ST8SIA6: variants seen among roughly 807,000 people sequenced by gnomAD.
ST8SIA6 encodes ST8 alpha-N-acetyl-neuraminide alpha-2,8-sialyltransferase 6.
Under a neutral mutation model 33.6 loss-of-function variants are expected in ST8SIA6, and 39 were observed. The ratio of observed to expected loss-of-function variants is 1.16; its 90% confidence interval spans 0.90 to 1.52. ST8SIA6 has a LOEUF of 1.52. ST8SIA6 is among the 40% of genes most tolerant of loss of function. The probability of loss-of-function intolerance (pLI) is 0.00; values close to 1 mark genes in which losing one functional copy is unlikely to be tolerated. For missense variants in ST8SIA6, 441 were observed against 443.8 expected, an observed-to-expected ratio of 0.99 and a Z score of 0.06; for synonymous variants, 172 against 167.2, an observed-to-expected ratio of 1.03 and a Z score of -0.22.
chr10:17,404,064 CAAAAAAAAAA>C lies in ST8SIA6; in HGVS notation c.201-13454_201-13445del, dbSNP rs964237726. Among the ~76,000 whole-genome samples, 474 of 56,624 alleles carry C rather than the reference CAAAAAAAAAA, an allele frequency of 8.4e-3. 2 individuals carry two copies. The highest frequency in any genetic ancestry group is 0.026 in the African/African-American group (420 of 16,042). The allele number at this position is 56,624 out of a possible 152,430, so 37.1% of individuals were successfully genotyped here. On this transcript the variant is annotated intron_variant, in intron 2 of 7. Transcript: ENST00000377602. ...TGGGTGACAGAGGAAGACACTGTCT[CAAAAAAAAAA>C]AAAAAAAAAAAAGAATGGAGGCCAT...
rs1827955693 is a variant in ST8SIA6 at position 17,422,197 on chromosome 10, A to T, written c.200+31362T>A. Among the ~76,000 whole-genome samples the T allele has an allele frequency of 2.0e-5, 3 of 152,368 alleles. No individual in the cohort carries two copies. In the South Asian group the frequency reaches 6.2e-4, roughly 32 times the overall value. On this transcript the variant is annotated intron_variant, in intron 2 of 7. Coordinates refer to ENST00000377602, the MANE Select transcript of ST8SIA6 (RefSeq NM_001004470.3). The stretch of plus-strand genomic sequence containing the variant: ...AAGAGAAAAAAACTGAATATTGAAG[A>T]GCAAAATAAATTTAAAAATCTTTAG...
chr10:17,441,375 C>T (rs1052034881), intron 2 of ST8SIA6, among the ~76,000 whole-genome samples: 5 of 151,822 alleles, frequency 3.3e-5, no homozygotes, highest in African/African-American at 7.3e-5. Context: ...TGCAATGGCG[C>T]GAGCTCAGCT....
intron 6 of ST8SIA6, among the ~76,000 whole-genome samples, chr10:17,325,471 T>C (rs1220842595): frequency 6.7e-6 from 1 of 149,938 alleles, no homozygotes; most frequent in East Asian, 1.9e-4. Flanking sequence ...CTGTAATATA[T>C]ATGTGATTAT....
chr10:17,448,963 A>T, intron 2 of ST8SIA6, among the ~76,000 whole-genome samples: 1 of 151,246 alleles, frequency 6.6e-6, no homozygotes, highest in East Asian at 1.9e-4. Context: ...AATGAAATTA[A>T]TATTATTTAA....
In ST8SIA6 at chr10:17,349,943, C is replaced by G. The variant is rs1001736083; in HGVS notation, c.377+9571G>C. Among the ~76,000 whole-genome samples the G allele has an allele frequency of 3.5e-3, 525 of 152,136 alleles. 4 individuals carry two copies. Among genetic ancestry groups the G allele is most frequent in the African/African-American group, 0.012 (501 of 41,506 alleles). ...GGTCTGTAAATTAAATAAACACACA[C>G]ACACACACACATACACACACAAATG... On this transcript the variant is annotated intron_variant, in intron 4 of 7. Transcript: ENST00000377602.
chr10:17,427,046 A>G (rs1311262896), intron 2 of ST8SIA6, among the ~76,000 whole-genome samples: 4 of 151,082 alleles, frequency 2.6e-5, no homozygotes, highest in African/African-American at 7.3e-5. Flanking sequence ...GGAGGTTGCA[A>G]TGAGCTGAGA....
chr10:17,335,622 A>T (rs1476883787), intron 4 of ST8SIA6, among the ~76,000 whole-genome samples: 2 of 152,200 alleles, frequency 1.3e-5, no homozygotes, highest in African/African-American at 4.8e-5. Context: ...ACAACCTACC[A>T]TTCAAAAAAG....
At chr10:17,417,009 C>T (rs960382876) in intron 2 of ST8SIA6, among the ~76,000 whole-genome samples, 1 of 152,130 alleles carries the variant, frequency 6.6e-6, no homozygotes, top group African/African-American at 2.4e-5. Context: ...GGTAGTTCAT[C>T]AGGAAAAGAG....
chr10:17,329,786 C>T (rs1441040905), intron 5 of ST8SIA6, among the ~76,000 whole-genome samples: 2 of 152,162 alleles, frequency 1.3e-5, no homozygotes, highest in African/African-American at 4.8e-5. Flanking sequence ...CAAATCTCAA[C>T]GTTTCCTTAA....
intron 2 of ST8SIA6, among the ~76,000 whole-genome samples, chr10:17,406,646 C>T (rs967569406): frequency 2.0e-5 from 3 of 152,164 alleles, no homozygotes; most frequent in Non-Finnish European, 4.4e-5. Flanking sequence ...GCGGTTGTTA[C>T]TGTCTTGGCA....
At chr10:17,323,028 G>C (rs373586098) in intron 7 of ST8SIA6, 37 bp downstream of exon 7, 11 of 1,545,090 alleles carry the variant, frequency 7.1e-6, no homozygotes, top group African/African-American at 2.7e-5. Flanking sequence ...CAATGAAAAA[G>C]TGTTCCTGAT....
At chr10:17,419,330 G>A (rs536697018) in intron 2 of ST8SIA6, among the ~76,000 whole-genome samples, 33 of 152,080 alleles carry the variant, frequency 2.2e-4, no homozygotes, top group Non-Finnish European at 2.4e-4. Flanking sequence ...TCAGGAGTTC[G>A]AGACCAGCCT....
chr10:17,382,028 C>A (rs982678197), intron 3 of ST8SIA6, among the ~76,000 whole-genome samples: 3 of 152,048 alleles, frequency 2.0e-5, no homozygotes, highest in African/African-American at 4.8e-5. Flanking sequence ...AATTTTTTCA[C>A]GGTCTCAGTT....
At chr10:17,417,424 C>T (rs527537685) in intron 2 of ST8SIA6, among the ~76,000 whole-genome samples, 7 of 152,226 alleles carry the variant, frequency 4.6e-5, no homozygotes, top group South Asian at 4.1e-4. Context: ...CTGCCTTGAG[C>T]GTTCCTGTTA....
intron 2 of ST8SIA6, among the ~76,000 whole-genome samples, chr10:17,424,105 CTTTTT>C (rs112889595): frequency 7.1e-6 from 1 of 140,488 alleles, no homozygotes; most frequent in Admixed American, 7.2e-5. Context: ...TTTCCAAATT[CTTTTT>C]TTTTTTTTTT....
intron 3 of ST8SIA6, among the ~76,000 whole-genome samples, chr10:17,360,847 A>C (rs928700978): frequency 1.3e-5 from 2 of 151,912 alleles, no homozygotes; most frequent in Non-Finnish European, 2.9e-5. Flanking sequence ...TGATCTAGGC[A>C]TACCAATTAA....
At chr10:17,354,508 A>G (rs892303071) in intron 4 of ST8SIA6, among the ~76,000 whole-genome samples, 1 of 152,202 alleles carries the variant, frequency 6.6e-6, no homozygotes, top group African/African-American at 2.4e-5. Context: ...GCTACACCTA[A>G]AAGAAATTAG....
At chr10:17,358,613 G>A (rs537372636) in intron 4 of ST8SIA6, among the ~76,000 whole-genome samples, 1 of 149,892 alleles carries the variant, frequency 6.7e-6, no homozygotes, top group South Asian at 2.1e-4. Flanking sequence ...GAAGGAGGGA[G>A]GAAGGAAGGA....
Position 17,359,496 on chromosome 10 carries a change from A to G in ST8SIA6, c.377+18T>C. ...CAAGACATTTTTAAAATCTCATATT[A>G]TTTATGAAAAAAATTACCTAAAATT... On this transcript the variant is annotated intron_variant, in intron 4 of 7. Coordinates refer to ENST00000377602, the MANE Select transcript of ST8SIA6 (RefSeq NM_001004470.3). The G allele has an allele frequency of 6.5e-7, 1 of 1,545,794 alleles. No individual in the cohort carries two copies.
Sources: gnomAD v4.1 joint callset for allele counts (sites outside exome capture counted in the v4.1 genomes callset) on GRCh38, gnomAD v4.1.1 for gene constraint, MANE v1.5 for transcripts, NCBI Gene and HGNC (gene_info 2026-07-23, HGNC 2026-07-21) for gene names.